ROR1: variants seen among roughly 807,000 people sequenced by gnomAD.
The protein encoded by ROR1 is inactive tyrosine-protein kinase transmembrane receptor ROR1.
ROR1 carries 19 observed loss-of-function variants against 78.8 expected under a neutral mutation model. That is an observed-to-expected ratio of 0.24 (90% CI 0.17 to 0.35). The LOEUF is 0.35. ROR1 is among the 10% of genes least tolerant of loss of function. ROR1 has a pLI of 1.00. For missense variants in ROR1, 917 were observed against 1,177.8 expected (o/e 0.78, Z 3.24); for synonymous variants, 386 against 433.6 (o/e 0.89, Z 1.36).
At chr1:63,945,614 C>T (rs1260220091) in intron 1 of ROR1, among the ~76,000 whole-genome samples, 3 of 152,144 alleles carry the variant, frequency 2.0e-5, no homozygotes, top group African/African-American at 7.2e-5. Flanking sequence ...CCCTTTTATA[C>T]CTTTACTTGC....
At chr1:64,150,547 A>G (rs1461022303) in intron 7 of ROR1, among the ~76,000 whole-genome samples, 1 of 152,164 alleles carries the variant, frequency 6.6e-6, no homozygotes, top group Admixed American at 6.5e-5. Flanking sequence ...CTTCTCCCAT[A>G]TTTCATAGAA....
chr1:63,835,114 C>G (rs995727516), intron 1 of ROR1, among the ~76,000 whole-genome samples: 2 of 152,060 alleles, frequency 1.3e-5, no homozygotes, highest in Non-Finnish European at 2.9e-5. Context: ...TTCTTAACCT[C>G]CCATAATGGA....
chr1:63,832,039 A>T (rs774548575), intron 1 of ROR1, among the ~76,000 whole-genome samples: 4 of 152,180 alleles, frequency 2.6e-5, no homozygotes, highest in Non-Finnish European at 5.9e-5. Flanking sequence ...CTCTTTGCTA[A>T]AGCATAGGAA....
At chr1:63,878,440 CTG>C (rs1458122062) in intron 1 of ROR1, among the ~76,000 whole-genome samples, 3 of 152,094 alleles carry the variant, frequency 2.0e-5, no homozygotes, top group Non-Finnish European at 4.4e-5. Context: ...CTGACGGTCT[CTG>C]TACATTTTCT....
At position 63,970,458 on chromosome 1, in the gene ROR1, T is replaced by C. The variant is rs566873976; in HGVS notation, c.92-38847T>C. On this transcript the variant is annotated intron_variant, in intron 1 of 8. Transcript: ENST00000371079. ...CACAGTAATAATAATAACACACCAA[T>C]TGTTTTGTTCTCTTGGTCCTTCCTT... 1.8e-4 allele frequency among the ~76,000 whole-genome samples: 28 copies of C among 152,316 alleles called. 1 individual carries two copies. The East Asian group carries it at 4.8e-3, about 26-fold the overall frequency.
chr1:63,876,151 A>T (rs907876090), intron 1 of ROR1, among the ~76,000 whole-genome samples: 3 of 152,082 alleles, frequency 2.0e-5, no homozygotes, highest in Non-Finnish European at 4.4e-5. Flanking sequence ...CATAAATTTT[A>T]TGGGTTTCAA....
intron 2 of ROR1, among the ~76,000 whole-genome samples, chr1:64,045,585 T>G (rs1646777352): frequency 6.6e-6 from 1 of 152,142 alleles, no homozygotes; most frequent in South Asian, 2.1e-4. Flanking sequence ...AAATAATTTG[T>G]TTAAAATCTC....
At chr1:63,863,110 A>G (rs545870443) in intron 1 of ROR1, among the ~76,000 whole-genome samples, 3 of 152,310 alleles carry the variant, frequency 2.0e-5, no homozygotes, top group African/African-American at 7.2e-5. Flanking sequence ...CACCAGCAGG[A>G]TGCTTAGTTG....
chr1:63,954,305 C>T (rs893668237), intron 1 of ROR1, among the ~76,000 whole-genome samples: 1 of 152,188 alleles, frequency 6.6e-6, no homozygotes, highest in African/African-American at 2.4e-5. Context: ...CATTTGAGGG[C>T]ACAACCTAGA....
At chr1:64,133,282 C>T (rs551720482) in intron 4 of ROR1, among the ~76,000 whole-genome samples, 1 of 152,242 alleles carries the variant, frequency 6.6e-6, no homozygotes, top group East Asian at 1.9e-4. Flanking sequence ...ATGACTAATA[C>T]CATCAGGCTT....
At chr1:63,819,715 G>A (rs951680829) in intron 1 of ROR1, among the ~76,000 whole-genome samples, 18 of 152,258 alleles carry the variant, frequency 1.2e-4, no homozygotes, top group African/African-American at 3.6e-4. Flanking sequence ...AGTTTCCTTC[G>A]AATACCAGCA....
chr1:64,101,943 TCTC>T (rs1172985729), intron 4 of ROR1, among the ~76,000 whole-genome samples: 22 of 152,202 alleles, frequency 1.4e-4, no homozygotes, highest in Non-Finnish European at 1.5e-5. Flanking sequence ...TCAATTGTCA[TCTC>T]CTTTCAACTT....
At chr1:64,160,860 G>C (rs1649919972) in intron 8 of ROR1, among the ~76,000 whole-genome samples, 1 of 152,148 alleles carries the variant, frequency 6.6e-6, no homozygotes, top group African/African-American at 2.4e-5. Context: ...AGATCATTTT[G>C]GTTACAGCAG....
intron 1 of ROR1, among the ~76,000 whole-genome samples, chr1:63,794,654 A>G (rs11208295): frequency 0.023 from 3,460 of 152,298 alleles, 139 homozygotes; most frequent in African/African-American, 0.079. Context: ...GTCTTCTTCA[A>G]TTTCCTCATC....
rs117408599 is a variant in ROR1 at position 63,859,343 on chromosome 1, T to C, written c.91+84835T>C. On this transcript the variant is annotated intron_variant, in intron 1 of 8. Transcript: ENST00000371079. ...GACACTTTTGTGATGCTTTTATCTG[T>C]CTCTCCAGAGTCTGATTTAATGAAA... 1.5e-3 allele frequency among the ~76,000 whole-genome samples: 235 copies of C among 152,330 alleles called. 7 individuals carry two copies. In the East Asian group the frequency reaches 0.041, roughly 27 times the overall value.
intron 4 of ROR1, among the ~76,000 whole-genome samples, chr1:64,069,920 A>G (rs1646990039): frequency 1.3e-5 from 2 of 152,196 alleles, no homozygotes; most frequent in Admixed American, 6.5e-5. Context: ...ACAGTGTGGT[A>G]TGATCCTTAC....
At chr1:64,098,880 A>G (rs1355068481) in intron 4 of ROR1, among the ~76,000 whole-genome samples, 1 of 152,238 alleles carries the variant, frequency 6.6e-6, no homozygotes, top group African/African-American at 2.4e-5. Context: ...ATGAAAAATA[A>G]ATATCGGGGC....
At chr1:63,831,036 G>C (rs1476262903) in intron 1 of ROR1, among the ~76,000 whole-genome samples, 1 of 152,206 alleles carries the variant, frequency 6.6e-6, no homozygotes, top group Non-Finnish European at 1.5e-5. Flanking sequence ...CACATCCAGG[G>C]CATGCTGATG....
At chr1:63,806,357 G>A (rs1382480631) in intron 1 of ROR1, among the ~76,000 whole-genome samples, 6 of 141,514 alleles carry the variant, frequency 4.2e-5, no homozygotes, top group South Asian at 2.2e-4. Context: ...TCGCTCTGTC[G>A]CCCAGGCTGG....
Sources: gnomAD v4.1 joint callset for allele counts (sites outside exome capture counted in the v4.1 genomes callset) on GRCh38, gnomAD v4.1.1 for gene constraint, MANE v1.5 for transcripts, NCBI Gene and HGNC (gene_info 2026-07-23, HGNC 2026-07-21) for gene names.